SMCHD1: variants seen among roughly 807,000 people sequenced by gnomAD.
The protein encoded by SMCHD1 is structural maintenance of chromosomes flexible hinge domain containing 1.
Under a neutral mutation model 254.7 loss-of-function variants are expected in SMCHD1, and 78 were observed. The observed-to-expected ratio is 0.31, with a 90% CI of 0.26 to 0.37. The LOEUF (loss-of-function observed/expected upper bound fraction) is 0.37, where lower values mean the gene tolerates loss of function less well. Among genes scored for constraint, SMCHD1 ranks in the 10% least tolerant of loss-of-function variants. SMCHD1 has a pLI of 1.00. For missense variants in SMCHD1, 1,840 were observed against 2,408.1 expected (o/e 0.76, Z 4.94); for synonymous variants, 766 against 794.9 (o/e 0.96, Z 0.61).
At chr18:2,766,163 T>G (rs980028717) in intron 37 of SMCHD1, among the ~76,000 whole-genome samples, 2 of 152,084 alleles carry the variant, frequency 1.3e-5, no homozygotes, top group African/African-American at 4.8e-5. Context: ...CTAGCTAATT[T>G]TTTGTATTTT....
chr18:2,683,725 T>G (rs544036153), intron 5 of SMCHD1, among the ~76,000 whole-genome samples: 2 of 152,210 alleles, frequency 1.3e-5, no homozygotes, highest in African/African-American at 2.4e-5. Flanking sequence ...AGGATTGTTA[T>G]GCCTTCTGTG....
intron 39 of SMCHD1, 131 bp from the exon 40 acceptor site, chr18:2,771,402 G>A (rs1044691062): frequency 4.8e-6 from 3 of 624,544 alleles, no homozygotes; most frequent in Non-Finnish European, 8.1e-6. Context: ...TTCTGAAATG[G>A]TCACCTATCA....
chr18:2,762,064 T>G lies in SMCHD1; in HGVS notation c.4435-41T>G, dbSNP rs772206361. 17 of 1,571,502 alleles carry G rather than the reference T, an allele frequency of 1.1e-5. No individual in the cohort carries two copies. The Admixed American group carries it at 1.7e-4, about 16-fold the overall frequency. Reference sequence around the variant, plus strand: ...TCCCTTCCTCTTAAATGCTAAAGCATCAATATATTGTTAATCAGAATGTCT... The same window carrying G: ...TCCCTTCCTCTTAAATGCTAAAGCAGCAATATATTGTTAATCAGAATGTCT... On this transcript the variant is annotated intron_variant, in intron 35 of 47. Transcript: ENST00000320876.
In SMCHD1 at chr18:2,796,518, A is replaced by G. The variant is rs2076267301; in HGVS notation, c.5990A>G (p.Asn1997Ser). ...ATGAGACGAGAAGCTACAAGACAAA[A>G]TAGGTGAGTTTGTTTGACCTGAGAA... ...KRMRREATRQNRIITKTDV is the reference protein window; with the variant it reads ...KRMRREATRQSRIITKTDV The change falls in exon 47 of 48, where the codon AAT becomes AGT. Residue 1997 changes from asparagine (N) to serine (S), a missense_variant. Coordinates refer to ENST00000320876, the MANE Select transcript of SMCHD1 (RefSeq NM_015295.3). 2 of 1,575,018 alleles carry G rather than the reference A, an allele frequency of 1.3e-6. No homozygotes were observed. The highest frequency in any genetic ancestry group is 1.8e-5 in the Admixed American group (1 of 55,920).
chr18:2,798,441 C>T lies in SMCHD1; in HGVS notation c.5993+1920C>T, dbSNP rs77410949. ...TTTAGAAATTATGAGTTCAAAATGA[C>T]GCAAAAATCCCTTATTGGTCATCAT... On this transcript the variant is annotated intron_variant, in intron 47 of 47. Coordinates refer to ENST00000320876, the MANE Select transcript of SMCHD1 (RefSeq NM_015295.3). Among the ~76,000 whole-genome samples, 806 of 152,216 alleles carry T rather than the reference C, an allele frequency of 5.3e-3. 7 individuals carry two copies. Among genetic ancestry groups the T allele is most frequent in the African/African-American group, 0.018 (768 of 41,538 alleles).
At position 2,801,701 on chromosome 18, in the gene SMCHD1, A is replaced by G. The variant is rs142055297; in HGVS notation, c.5994-827A>G. Reference sequence around the variant, plus strand: ...ATTTACATATGTATACTGAATATATATTTGTTACTGCTTATAGATCACATA... The same window carrying G: ...ATTTACATATGTATACTGAATATATGTTTGTTACTGCTTATAGATCACATA... On this transcript the variant is annotated intron_variant, in intron 47 of 47. Transcript: ENST00000320876. 4.5e-3 allele frequency among the ~76,000 whole-genome samples: 692 copies of G among 152,260 alleles called. 4 individuals are homozygous for G. The highest frequency in any genetic ancestry group is 0.016 in the African/African-American group (674 of 41,566).
chr18:2,701,960 G>A (rs1568179006), intron 12 of SMCHD1, among the ~76,000 whole-genome samples: 1 of 151,416 alleles, frequency 6.6e-6, no homozygotes, highest in Non-Finnish European at 1.5e-5. Flanking sequence ...AGAAGATTAG[G>A]ACACTTTTAA....
intron 17 of SMCHD1, among the ~76,000 whole-genome samples, chr18:2,713,521 T>C (rs2143322712): frequency 7.4e-6 from 1 of 136,012 alleles, no homozygotes; most frequent in Middle Eastern, 3.6e-3. Context: ...CCGTCTCTAC[T>C]AAGAAGTAAA....
At chr18:2,765,987 CTA>C (rs1241883171) in intron 37 of SMCHD1, among the ~76,000 whole-genome samples, 1 of 125,698 alleles carries the variant, frequency 8.0e-6, no homozygotes, top group African/African-American at 2.7e-5. Flanking sequence ...TCCTGTTTAG[CTA>C]TGTCCAGTTT....
chr18:2,756,662 C>T (rs1230239174), intron 34 of SMCHD1, among the ~76,000 whole-genome samples: 1 of 152,074 alleles, frequency 6.6e-6, no homozygotes, highest in Admixed American at 6.6e-5. Context: ...GTGGCATGAT[C>T]TCAGCTCACT....
intron 30 of SMCHD1, among the ~76,000 whole-genome samples, chr18:2,748,461 T>G (rs2143606234): frequency 6.9e-6 from 1 of 145,568 alleles, no homozygotes; most frequent in African/African-American, 2.5e-5. Context: ...TGGCGTGATC[T>G]TGGCTCACTG....
chr18:2,669,434 A>G (rs999933087), intron 3 of SMCHD1, among the ~76,000 whole-genome samples: 1 of 152,144 alleles, frequency 6.6e-6, no homozygotes, highest in African/African-American at 2.4e-5. Flanking sequence ...GCTGGCCTCA[A>G]ATTATTCTCC....
chr18:2,775,857 A>G lies in SMCHD1; in HGVS notation c.5299A>G (p.Thr1767Ala). Reference protein sequence around the residue: ...TDAARRIYDETQGRQQVLPLD... With the variant: ...TDAARRIYDEAQGRQQVLPLD... ...CGCTGCACGTCGTATCTATGATGAA[A>G]CCCAAGGTCGTCAGCAGGTGTTGCC... Residue 1767 changes from threonine (T) to alanine (A), a missense_variant, in exon 42 of 48, where the codon ACC becomes GCC. Thr to Ala is a moderately conservative substitution (Grantham distance 58). Transcript: ENST00000320876. 3 of 1,612,176 alleles carry G rather than the reference A, an allele frequency of 1.9e-6. No homozygotes were observed. The highest frequency in any genetic ancestry group is 2.5e-6 in the Non-Finnish European group (3 of 1,179,378).
At chr18:2,689,088 C>G (rs1424065979) in intron 7 of SMCHD1, among the ~76,000 whole-genome samples, 2 of 151,972 alleles carry the variant, frequency 1.3e-5, no homozygotes, top group Non-Finnish European at 1.5e-5. Flanking sequence ...AGAGATTGCT[C>G]TTACAAGTTT....
chr18:2,761,959 G>T (rs894862610), intron 35 of SMCHD1, 146 bp from the exon 36 acceptor site: 3 of 653,732 alleles, frequency 4.6e-6, no homozygotes, highest in East Asian at 5.9e-5. Flanking sequence ...AAAGCAAATT[G>T]ATTACTTTTA....
chr18:2,711,174 G>A (rs545533397), intron 17 of SMCHD1, among the ~76,000 whole-genome samples: 1 of 151,670 alleles, frequency 6.6e-6, no homozygotes, highest in South Asian at 2.1e-4. Flanking sequence ...ATGGATGAGA[G>A]TTTTTTAAAA....
intron 45 of SMCHD1, among the ~76,000 whole-genome samples, chr18:2,789,665 A>G (rs1193868986): frequency 6.6e-6 from 1 of 152,208 alleles, no homozygotes; most frequent in African/African-American, 2.4e-5. Context: ...TAAACTCTTA[A>G]TAAGTTGAGA....
chr18:2,675,253 G>A (rs2073714966), intron 5 of SMCHD1, among the ~76,000 whole-genome samples: 1 of 148,610 alleles, frequency 6.7e-6, no homozygotes, highest in South Asian at 2.1e-4. Flanking sequence ...TCTCATTCCT[G>A]ACCTCAGCCT....
chr18:2,770,314 A>G (rs1160939712), intron 39 of SMCHD1, among the ~76,000 whole-genome samples: 4 of 152,240 alleles, frequency 2.6e-5, no homozygotes, highest in Non-Finnish European at 5.9e-5. Context: ...TATCCTGCTT[A>G]AAAGAAATCA....
Sources: allele counts gnomAD v4.1 joint callset (sites outside exome capture counted in the v4.1 genomes callset), GRCh38; gene constraint gnomAD v4.1.1; transcripts MANE v1.5; gene names NCBI Gene and HGNC (gene_info 2026-07-23, HGNC 2026-07-21).